Variants in CPQ observed in about 807,000 individuals in gnomAD.
CPQ encodes the protein Ser-Met dipeptidase.
A neutral mutation model predicts 45.7 loss-of-function variants in CPQ; 37 were observed. The observed-to-expected ratio is 0.81, with a 90% CI of 0.62 to 1.07. The LOEUF (loss-of-function observed/expected upper bound fraction) is 1.07. Ranked by LOEUF, CPQ falls within the 50% of genes least tolerant of loss-of-function variation. CPQ has a pLI of 0.00. For synonymous variants in CPQ, 186 were observed against 205.8 expected (o/e 0.90, Z 0.82); for missense variants, 537 against 572.9 (o/e 0.94, Z 0.64).
intron 4 of CPQ, among the ~76,000 whole-genome samples, chr8:96,946,412 G>A (rs1363856159): frequency 6.6e-6 from 1 of 151,992 alleles, no homozygotes; most frequent in African/African-American, 2.4e-5. Context: ...TTATCAGCAA[G>A]ATAAATCTGT....
intron 4 of CPQ, among the ~76,000 whole-genome samples, chr8:96,902,972 G>A (rs867545768): frequency 1.4e-4 from 22 of 152,298 alleles, no homozygotes; most frequent in Middle Eastern, 6.8e-3. Flanking sequence ...GACCTGTTGC[G>A]TCTCTTTGTG....
At chr8:96,880,660 A>T (rs1330214880) in intron 4 of CPQ, among the ~76,000 whole-genome samples, 2 of 150,482 alleles carry the variant, frequency 1.3e-5, no homozygotes, top group East Asian at 3.9e-4. Context: ...CCATTATCCT[A>T]AGTGAATTAA....
At chr8:97,105,671 G>A (rs1454215291) in intron 7 of CPQ, among the ~76,000 whole-genome samples, 2 of 152,136 alleles carry the variant, frequency 1.3e-5, no homozygotes, top group Non-Finnish European at 2.9e-5. Flanking sequence ...TAGCTTCTTA[G>A]TACCTTAGTA....
chr8:96,728,627 T>G (rs1417192378), intron 1 of CPQ, among the ~76,000 whole-genome samples: 1 of 152,146 alleles, frequency 6.6e-6, no homozygotes, highest in Non-Finnish European at 1.5e-5. Flanking sequence ...AGGGTGGATA[T>G]GGTCAGTATC....
chr8:96,913,536 G>GT (rs1812694775), intron 4 of CPQ, among the ~76,000 whole-genome samples: 1 of 152,162 alleles, frequency 6.6e-6, no homozygotes, highest in Admixed American at 6.5e-5. Context: ...TCTTTTCAGT[G>GT]TTTTGGCCCT....
intron 4 of CPQ, among the ~76,000 whole-genome samples, chr8:96,913,626 C>T (rs1344791460): frequency 6.6e-6 from 1 of 152,162 alleles, no homozygotes; most frequent in Non-Finnish European, 1.5e-5. Context: ...GGTATGATTT[C>T]AGGATGGAGA....
intron 2 of CPQ, among the ~76,000 whole-genome samples, chr8:96,803,616 G>C (rs551545843): frequency 6.6e-6 from 1 of 152,240 alleles, no homozygotes; most frequent in South Asian, 2.1e-4. Flanking sequence ...TTTTGAGGTT[G>C]ATTCCATAAA....
At chr8:96,721,469 C>T (rs1809763104) in intron 1 of CPQ, among the ~76,000 whole-genome samples, 1 of 152,132 alleles carries the variant, frequency 6.6e-6, no homozygotes, top group African/African-American at 2.4e-5. Flanking sequence ...ACTACAGTTT[C>T]TCTGACTTCT....
chr8:96,696,404 C>T (rs1381019224), intron 1 of CPQ, among the ~76,000 whole-genome samples: 1 of 151,358 alleles, frequency 6.6e-6, no homozygotes, highest in African/African-American at 2.4e-5. Flanking sequence ...AACTAACCTG[C>T]ACATTGTGCA....
chr8:97,126,843 G>T (rs1811855253), intron 7 of CPQ, among the ~76,000 whole-genome samples: 1 of 152,170 alleles, frequency 6.6e-6, no homozygotes, highest in Non-Finnish European at 1.5e-5. Context: ...AGAATAGACA[G>T]ATCAGTGGAA....
chr8:96,700,765 G>A (rs907669357), intron 1 of CPQ, among the ~76,000 whole-genome samples: 17 of 152,300 alleles, frequency 1.1e-4, no homozygotes, highest in African/African-American at 3.1e-4. Flanking sequence ...GAGGAGGGAG[G>A]AGGTACAGAG....
chr8:96,703,557 G>T lies in CPQ; in HGVS notation c.-35+58155G>T, dbSNP rs562460050. Among the ~76,000 whole-genome samples, 24 of 152,194 alleles carry T rather than the reference G, an allele frequency of 1.6e-4. 1 individual carries two copies. In the South Asian group the frequency reaches 5.0e-3, roughly 32 times the overall value. On this transcript the variant is annotated intron_variant, in intron 1 of 7. Transcript: ENST00000220763. ...TGTGTGTGTTTTTCTTTTTAAGTAA[G>T]CCATATAACCTATGAGGCAAGCAAG...
chr8:97,105,633 G>A (rs1371546497), intron 7 of CPQ, among the ~76,000 whole-genome samples: 1 of 152,126 alleles, frequency 6.6e-6, no homozygotes, highest in African/African-American at 2.4e-5. Context: ...TTAATCCTTA[G>A]TATTGTTGCA....
chr8:96,943,534 T>C (rs1813150170), intron 4 of CPQ, among the ~76,000 whole-genome samples: 1 of 152,180 alleles, frequency 6.6e-6, no homozygotes, highest in African/African-American at 2.4e-5. Context: ...CTTTTATAGT[T>C]AAGAAACCAA....
At chr8:96,925,730 G>A (rs368032393) in intron 4 of CPQ, among the ~76,000 whole-genome samples, 11 of 142,988 alleles carry the variant, frequency 7.7e-5, no homozygotes, top group African/African-American at 2.6e-4. Flanking sequence ...TTGCTCTGTC[G>A]CCAGGCTGGA....
At chr8:97,110,971 C>T (rs970557235) in intron 7 of CPQ, among the ~76,000 whole-genome samples, 1 of 152,272 alleles carries the variant, frequency 6.6e-6, no homozygotes, top group Non-Finnish European at 1.5e-5. Flanking sequence ...GGCTTTTTAT[C>T]AGATTCATAG....
intron 2 of CPQ, among the ~76,000 whole-genome samples, chr8:96,810,237 C>T (rs1230576379): frequency 6.6e-6 from 1 of 152,170 alleles, no homozygotes; most frequent in Admixed American, 6.6e-5. Context: ...CTATAAGTAG[C>T]TCTTTATGGG....
intron 5 of CPQ, among the ~76,000 whole-genome samples, chr8:96,981,495 A>C (rs1813895178): frequency 6.6e-6 from 1 of 152,164 alleles, no homozygotes; most frequent in Non-Finnish European, 1.5e-5. Flanking sequence ...ATATTTTATG[A>C]AGTGCTTCAT....
At chr8:96,725,599 C>T (rs558714758) in intron 1 of CPQ, among the ~76,000 whole-genome samples, 1 of 151,992 alleles carries the variant, frequency 6.6e-6, no homozygotes, top group African/African-American at 2.4e-5. Flanking sequence ...GCTGGTGAGG[C>T]TGAGGAGAAA....
Sources: allele counts gnomAD v4.1 joint callset (sites outside exome capture counted in the v4.1 genomes callset), GRCh38; gene constraint gnomAD v4.1.1; transcripts MANE v1.5; gene names NCBI Gene and HGNC (gene_info 2026-07-23, HGNC 2026-07-21).